The following DST variants were observed in gnomAD, a reference collection of about 807,000 sequenced individuals.
DST encodes the protein dystonin, also known as bullous pemphigoid antigen.
DST carries 253 observed loss-of-function variants against 875.2 expected under a neutral mutation model. That is an observed-to-expected ratio of 0.29 (90% CI 0.26 to 0.32). The LOEUF is 0.32. Among genes scored for constraint, DST ranks in the 10% least tolerant of loss-of-function variants. DST has a pLI of 1.00. For synonymous variants in DST, 3,124 were observed against 3,197.1 expected (o/e 0.98, Z 0.77); for missense variants, 8,287 against 9,111.6 (o/e 0.91, Z 3.68).
At chr6:56,803,589 A>G (rs2099749818) in intron 4 of DST, among the ~76,000 whole-genome samples, 1 of 152,202 alleles carries the variant, frequency 6.6e-6, no homozygotes, top group Non-Finnish European at 1.5e-5. Flanking sequence ...CTCCCTTTCA[A>G]TAAAAAAGAT....
Position 56,699,314 on chromosome 6 carries a change from A to G in DST, c.1047+339T>C, listed in dbSNP as rs184789676. On this transcript the variant is annotated intron_variant, in intron 9 of 103. Coordinates refer to ENST00000680361, the MANE Select transcript of DST (RefSeq NM_001374736.1). ...CCTGTATTACTAAAAAACATTCTAA[A>G]TAAGGACTAATCATAAAACATTTAA... is the stretch of plus-strand genomic sequence containing the variant. Among the ~76,000 whole-genome samples, 14 of 152,334 alleles carry G rather than the reference A, an allele frequency of 9.2e-5. 2 individuals carry two copies. Among genetic ancestry groups the G allele is most frequent in the African/African-American group, 3.4e-4 (14 of 41,584 alleles).
At chr6:56,581,748 G>A (rs546622996) in intron 49 of DST, among the ~76,000 whole-genome samples, 3 of 152,218 alleles carry the variant, frequency 2.0e-5, no homozygotes, top group African/African-American at 7.2e-5. Context: ...AGTTGTAGAT[G>A]TGAACTCATC....
intron 4 of DST, among the ~76,000 whole-genome samples, chr6:56,779,868 C>A (rs1232930085): frequency 8.9e-6 from 1 of 112,916 alleles, no homozygotes; most frequent in East Asian, 3.3e-4. Flanking sequence ...AATGCTATCC[C>A]TCCCCCCTCC....
chr6:56,577,054 G>C (rs1019394036), intron 50 of DST, among the ~76,000 whole-genome samples: 6 of 152,100 alleles, frequency 3.9e-5, no homozygotes, highest in Non-Finnish European at 7.4e-5. Flanking sequence ...TCTACTGTAA[G>C]AATGTTATTT....
In DST at chr6:56,782,639, G is replaced by A. The variant is rs537888548; in HGVS notation, c.626-47350C>T. The stretch of plus-strand genomic sequence containing the variant: ...TTTTTTCTTTATTAGTCTTGCTAGC[G>A]GTCTATCAATTTTGTTGATCCTTTC... On this transcript the variant is annotated intron_variant, in intron 4 of 103. Coordinates refer to ENST00000680361, the MANE Select transcript of DST (RefSeq NM_001374736.1). Among the ~76,000 whole-genome samples, 274 of 151,914 alleles carry A rather than the reference G, an allele frequency of 1.8e-3. 3 individuals are homozygous for A. The highest frequency in any genetic ancestry group is 5.8e-3 in the South Asian group (28 of 4,818).
Position 56,651,248 on chromosome 6 carries a change from G to C in DST, c.1215-4C>G. 1 of 1,574,026 alleles carries C rather than the reference G, an allele frequency of 6.4e-7. No homozygotes were observed. Among genetic ancestry groups the C allele is most frequent in the South Asian group, 1.2e-5 (1 of 86,042 alleles). ...ATTCATATCTATCAGGTCCGGCCTAGGAAAAAATTCACTGTGTTAATTAGG... is the reference window on the plus strand; with the variant it reads ...ATTCATATCTATCAGGTCCGGCCTACGAAAAAATTCACTGTGTTAATTAGG... On this transcript the variant is annotated splice_region_variant and splice_polypyrimidine_tract_variant and intron_variant, in intron 10 of 103. Coordinates refer to ENST00000680361, the MANE Select transcript of DST (RefSeq NM_001374736.1).
At chr6:56,638,925 A>C in intron 22 of DST, 1 of 355,278 alleles carries the variant, frequency 2.8e-6, no homozygotes, top group Admixed American at 4.4e-5. Context: ...TGGTAGGAAA[A>C]TGAGGCTTGG....
chr6:56,467,959 G>C (rs533866306), intron 98 of DST, among the ~76,000 whole-genome samples: 55 of 152,186 alleles, frequency 3.6e-4, no homozygotes, highest in African/African-American at 1.2e-3. Context: ...TAACATTTCA[G>C]TATTATAGTA....
Position 56,573,668 on chromosome 6 carries a change from A to G in DST, c.13236+11T>C. On this transcript the variant is annotated intron_variant, in intron 51 of 103. Coordinates refer to ENST00000680361, the MANE Select transcript of DST (RefSeq NM_001374736.1). Reference sequence around the variant, plus strand: ...AAACTGAAAATGGGACTTTTTTTTAAAGTCACTTACAATGTTTTTACTGAT... The same window carrying G: ...AAACTGAAAATGGGACTTTTTTTTAGAGTCACTTACAATGTTTTTACTGAT... 1 of 1,590,752 alleles carries G rather than the reference A, an allele frequency of 6.3e-7. No individual in the cohort carries two copies. Among genetic ancestry groups the G allele is most frequent in the Non-Finnish European group, 8.6e-7 (1 of 1,165,168 alleles).
rs1314918522 is a variant in DST at position 56,487,279 on chromosome 6, T to C, written c.20878-6A>G. The C allele has an allele frequency of 1.3e-6, 2 of 1,534,218 alleles. No individual in the cohort carries two copies. The highest frequency in any genetic ancestry group is 4.6e-5 in the East Asian group (2 of 43,316). On this transcript the variant is annotated splice_polypyrimidine_tract_variant and splice_region_variant and intron_variant, in intron 86 of 103. Coordinates refer to ENST00000680361, the MANE Select transcript of DST (RefSeq NM_001374736.1). ...CCGAGTGATTTCTGAAACTCCTAAA[T>C]ATTTAACAAGAAAAAAATGCGAATT...
intron 9 of DST, among the ~76,000 whole-genome samples, chr6:56,695,650 T>A (rs1270089433): frequency 1.3e-5 from 2 of 152,228 alleles, no homozygotes; most frequent in Non-Finnish European, 2.9e-5. Flanking sequence ...ATAGTTAATT[T>A]CATGGACACT....
chr6:56,827,189 G>C (rs1749024099), intron 4 of DST, among the ~76,000 whole-genome samples: 1 of 152,128 alleles, frequency 6.6e-6, no homozygotes, highest in South Asian at 2.1e-4. Context: ...AGGTCATCCA[G>C]GCTAATGTAC....
chr6:56,717,056 G>A (rs984893615), intron 5 of DST, among the ~76,000 whole-genome samples: 2 of 152,010 alleles, frequency 1.3e-5, no homozygotes, highest in Non-Finnish European at 2.9e-5. Flanking sequence ...GGTAGCAGGC[G>A]CCTGTAGTCC....
At position 56,701,888 on chromosome 6, in the gene DST, C is replaced by T; in HGVS notation, c.954G>A (p.Gln318=). ...TTACAGTATTTTCAAAACATCATAC[C>T]TGGCGTCTTTTCAAATAGTCAAGTG... ...QIALDYLKRR[Q]VKLVNIRNDD... The change falls in exon 8 of 104, where the codon CAG becomes CAA. Residue 318 remains glutamine (Q), a splice_region_variant and synonymous_variant. Coordinates refer to ENST00000680361, the MANE Select transcript of DST (RefSeq NM_001374736.1). The T allele has an allele frequency of 6.3e-7, 1 of 1,586,126 alleles. No homozygotes were observed. Among genetic ancestry groups the T allele is most frequent in the Non-Finnish European group, 8.6e-7 (1 of 1,156,448 alleles).
At chr6:56,951,811 A>C (rs1822484494) in intron 2 of DST, among the ~76,000 whole-genome samples, 1 of 152,208 alleles carries the variant, frequency 6.6e-6, no homozygotes, top group South Asian at 2.1e-4. Flanking sequence ...TTTTAGCACA[A>C]ACTCCAGGGC....
rs536094326 is a variant in DST at position 56,553,437 on chromosome 6, C to G, written c.15355G>C (p.Ala5119Pro). 8.1e-6 allele frequency: 13 copies of G among 1,604,398 alleles called. No homozygotes were observed. The African/African-American group carries it at 1.6e-4, about 20-fold the overall frequency. ...TTTAATAACAGATTTTCACCTTCTG[C>G]AATGGTTTTTTCATACATATGAGAC... Reference protein sequence around the residue: ...AQSHMYEKTIAEGENLLLKTQ... With the variant: ...AQSHMYEKTIPEGENLLLKTQ... The change falls in exon 61 of 104, where the codon GCA becomes CCA. Residue 5119 changes from alanine (A) to proline (P), a missense_variant. By Grantham distance (27) the Ala-to-Pro change is conservative. Coordinates refer to ENST00000680361, the MANE Select transcript of DST (RefSeq NM_001374736.1).
intron 72 of DST, among the ~76,000 whole-genome samples, chr6:56,513,146 T>C (rs2096515384): frequency 6.6e-6 from 1 of 152,190 alleles, no homozygotes; most frequent in Admixed American, 6.5e-5. Context: ...TCTGCTGATA[T>C]TTCTGGAGTT....
chr6:56,609,484 G>A (rs1176406413), intron 39 of DST, 140 bp from the exon 40 acceptor site: 3 of 644,500 alleles, frequency 4.7e-6, no homozygotes, highest in Non-Finnish European at 8.0e-6. Context: ...GCAATGCTGT[G>A]AATGTTAGGC....
At chr6:56,951,500 T>C (rs759852802) in intron 2 of DST, among the ~76,000 whole-genome samples, 1 of 152,190 alleles carries the variant, frequency 6.6e-6, no homozygotes, top group Non-Finnish European at 1.5e-5. Context: ...AATTCAGAGG[T>C]ATTTCTCAAA....
Sources: gnomAD v4.1 joint callset for allele counts (sites outside exome capture counted in the v4.1 genomes callset) on GRCh38, gnomAD v4.1.1 for gene constraint, MANE v1.5 for transcripts, NCBI Gene and HGNC (gene_info 2026-07-23, HGNC 2026-07-21) for gene names.